Variants in PALS2 observed in about 807,000 individuals in gnomAD.
PALS2 encodes the protein protein PALS2.
PALS2 carries 27 observed loss-of-function variants against 61.6 expected under a neutral mutation model. The ratio of observed to expected loss-of-function variants is 0.44; its 90% CI spans 0.32 to 0.60. The LOEUF (loss-of-function observed/expected upper bound fraction) is 0.60, where lower values mean the gene tolerates loss of function less well. PALS2 is among the 20% of genes least tolerant of loss of function. The pLI is 0.05. For missense variants in PALS2, 554 were observed against 639.4 expected, an observed-to-expected ratio of 0.87 and a Z score of 1.44; for synonymous variants, 236 against 218.6, an observed-to-expected ratio of 1.08 and a Z score of -0.70.
At chr7:24,590,653 C>T (rs552074260) in intron 1 of PALS2, among the ~76,000 whole-genome samples, 58 of 152,180 alleles carry the variant, frequency 3.8e-4, no homozygotes, top group African/African-American at 1.4e-3. Flanking sequence ...GGGGTTAGTC[C>T]TATAAGGTCT....
chr7:24,678,728 G>A (rs1787757214), intron 9 of PALS2, among the ~76,000 whole-genome samples: 1 of 152,178 alleles, frequency 6.6e-6, no homozygotes, highest in African/African-American at 2.4e-5. Flanking sequence ...AGGCTCTGCT[G>A]CTAGGTAAAT....
chr7:24,649,885 G>A, intron 4 of PALS2, 121 bp downstream of exon 4: 1 of 972,974 alleles, frequency 1.0e-6, no homozygotes, highest in Admixed American at 3.4e-5. Context: ...ATTCTTGTTT[G>A]GCCTGTGTAT....
At chr7:24,592,620 G>C (rs559552464) in intron 1 of PALS2, among the ~76,000 whole-genome samples, 1 of 152,036 alleles carries the variant, frequency 6.6e-6, no homozygotes, top group Admixed American at 6.6e-5. Context: ...GAGATATCAC[G>C]GGTTCAGTTC....
chr7:24,652,802 A>G (rs1208104611), intron 5 of PALS2, among the ~76,000 whole-genome samples: 23 of 152,166 alleles, frequency 1.5e-4, no homozygotes, highest in Admixed American at 1.5e-3. Flanking sequence ...GAAAGCCAAG[A>G]ACTCTTCCCT....
intron 1 of PALS2, among the ~76,000 whole-genome samples, chr7:24,598,959 C>T (rs990900025): frequency 4.6e-5 from 7 of 152,052 alleles, no homozygotes; most frequent in African/African-American, 7.2e-5. Context: ...TGAAATATTT[C>T]GCCCAGTACT....
At chr7:24,682,369 A>G (rs981206605) in intron 11 of PALS2, among the ~76,000 whole-genome samples, 1 of 152,116 alleles carries the variant, frequency 6.6e-6, no homozygotes, top group Non-Finnish European at 1.5e-5. Context: ...GAGACCTTCT[A>G]CAAGTCTCCA....
At chr7:24,624,395 C>T (rs1784648051) in intron 2 of PALS2, among the ~76,000 whole-genome samples, 1 of 152,090 alleles carries the variant, frequency 6.6e-6, no homozygotes, top group Non-Finnish European at 1.5e-5. Flanking sequence ...CTCTTGCTTT[C>T]AAGAATCTAT....
intron 2 of PALS2, among the ~76,000 whole-genome samples, chr7:24,641,141 G>A (rs1323854877): frequency 1.3e-5 from 2 of 151,560 alleles, no homozygotes; most frequent in Non-Finnish European, 2.9e-5. Context: ...TCATTTCCCT[G>A]ATTAAATTAT....
intron 11 of PALS2, among the ~76,000 whole-genome samples, chr7:24,680,935 A>G (rs755886857): frequency 7.9e-5 from 12 of 152,244 alleles, no homozygotes; most frequent in Non-Finnish European, 1.5e-4. Context: ...AACATGCTAT[A>G]TAAGGTGCTA....
intron 5 of PALS2, among the ~76,000 whole-genome samples, chr7:24,652,716 T>A (rs1786221499): frequency 6.6e-6 from 1 of 152,174 alleles, no homozygotes; most frequent in Admixed American, 6.6e-5. Flanking sequence ...TTTTGCGTCT[T>A]CAACTCTTTC....
chr7:24,671,433 G>C (rs1378904623), intron 9 of PALS2, among the ~76,000 whole-genome samples: 1 of 152,114 alleles, frequency 6.6e-6, no homozygotes, highest in East Asian at 1.9e-4. Context: ...CAGGTTCCTT[G>C]TTAGATATGA....
chr7:24,586,623 G>C (rs1783074392), intron 1 of PALS2, among the ~76,000 whole-genome samples: 1 of 152,174 alleles, frequency 6.6e-6, no homozygotes, highest in Non-Finnish European at 1.5e-5. Context: ...TGGAAAGCTA[G>C]ATATTAAGAA....
intron 11 of PALS2, among the ~76,000 whole-genome samples, chr7:24,683,490 A>G (rs1452434150): frequency 6.6e-6 from 1 of 150,690 alleles, no homozygotes; most frequent in African/African-American, 2.4e-5. Flanking sequence ...ATCATTGACC[A>G]ATAGGAGCTT....
intron 1 of PALS2, among the ~76,000 whole-genome samples, chr7:24,621,979 A>C (rs1029442368): frequency 2.6e-5 from 4 of 152,016 alleles, no homozygotes; most frequent in Non-Finnish European, 5.9e-5. Flanking sequence ...TGTCAGAATC[A>C]ATTGACCATA....
intron 9 of PALS2, among the ~76,000 whole-genome samples, chr7:24,669,914 G>A (rs1035323193): frequency 1.3e-5 from 2 of 152,096 alleles, no homozygotes; most frequent in Non-Finnish European, 2.9e-5. Flanking sequence ...AAAGTTTTTC[G>A]CTTTTATCAA....
chr7:24,638,317 A>ATTTTTTTTTTTTTTTTTTTTTTTTTT (rs1562631729), intron 2 of PALS2, among the ~76,000 whole-genome samples: 1 of 14,254 alleles, frequency 7.0e-5, no homozygotes, highest in Non-Finnish European at 1.1e-4. Flanking sequence ...CAATTTCTGT[A>ATTTTTTTTTTTTTTTTTTTTTTTTTT]TTTTCTTTTT....
At chr7:24,608,118 T>G (rs971661495) in intron 1 of PALS2, among the ~76,000 whole-genome samples, 1 of 152,182 alleles carries the variant, frequency 6.6e-6, no homozygotes, top group Non-Finnish European at 1.5e-5. Flanking sequence ...ATGTTATATG[T>G]AAAGGTTTTT....
chr7:24,675,025 T>G (rs1787490367), intron 9 of PALS2, among the ~76,000 whole-genome samples: 1 of 152,224 alleles, frequency 6.6e-6, no homozygotes, highest in African/African-American at 2.4e-5. Context: ...AGTCAAACCT[T>G]CATGTTCTAA....
chr7:24,679,219 T>A lies in PALS2; in HGVS notation c.1203T>A (p.Ala401=). The change falls in exon 10 of 12, where the codon GCT becomes GCA. Residue 401 remains alanine, a synonymous_variant. Transcript: ENST00000222644. ...SRSEMEADIK[A]GKYLEHGEYE... ...CTGAGATGGAAGCAGATATTAAAGC[T>A]GGAAAGTATTTGGAACATGGGGAAT... The A allele has an allele frequency of 6.2e-7, 1 of 1,614,028 alleles. No homozygotes were observed. The highest frequency in any genetic ancestry group is 8.5e-7 in the Non-Finnish European group (1 of 1,179,888).
Sources: allele counts gnomAD v4.1 joint callset (sites outside exome capture counted in the v4.1 genomes callset), GRCh38; gene constraint gnomAD v4.1.1; transcripts MANE v1.5; gene names NCBI Gene and HGNC (gene_info 2026-07-23, HGNC 2026-07-21).